Variants in PRM1 observed in about 807,000 individuals in gnomAD.
The protein encoded by PRM1 is sperm protamine P1.
Under a neutral mutation model 4.8 loss-of-function variants are expected in PRM1, and 4 were observed. The observed-to-expected ratio is 0.83, with a 90% confidence interval of 0.41 to 1.91. The LOEUF (loss-of-function observed/expected upper bound fraction) is 1.91. Among genes scored for constraint, PRM1 ranks in the 40% most tolerant of loss-of-function variants. The probability of loss-of-function intolerance (pLI) is 0.03; values close to 1 mark genes in which losing one functional copy is unlikely to be tolerated. For synonymous variants in PRM1, 29 were observed against 22.7 expected (o/e 1.28, Z -0.79); for missense variants, 88 against 75.7 (o/e 1.16, Z -0.61).
At position 11,280,995 on chromosome 16, in the gene PRM1, GTGTCTTCTACATCGCGGT is replaced by G. The variant is rs773742354; in HGVS notation, c.135_152del (p.Arg45_His51delinsSer). The stretch of plus-strand genomic sequence containing the variant: ...GTGGATGTGCTATTTTGTGCAATTA[GTGTCTTCTACATCGCGGT>G]CTGTACCTGGGGCGGCAGCACCCTG... On this transcript the variant is annotated inframe_deletion, in exon 2 of 2. Transcript: ENST00000312511. The G allele has an allele frequency of 3.5e-5, 57 of 1,613,480 alleles. No individual in the cohort carries two copies. The highest frequency in any genetic ancestry group is 4.6e-5 in the Non-Finnish European group (54 of 1,179,484).
At position 11,280,950 on chromosome 16, in the gene PRM1, C is replaced by T. The variant is rs2069942196; in HGVS notation, c.*42G>A. 1 of 1,588,406 alleles carries T rather than the reference C, an allele frequency of 6.3e-7. No individual in the cohort carries two copies. Among genetic ancestry groups the T allele is most frequent in the Admixed American group, 1.7e-5 (1 of 60,006 alleles). On this transcript the variant is annotated 3_prime_UTR_variant, in exon 2 of 2. Coordinates refer to ENST00000312511, the MANE Select transcript of PRM1 (RefSeq NM_002761.3). ...GCAAGAGGATCTTGAAGTCTGGTAA[C>T]ATTCTCAGGCAGGAGTTTGGTGGAT...
chr16:11,281,014 C>G lies in PRM1; in HGVS notation c.134G>C (p.Arg45Thr). ...CAATTAGTGTCTTCTACATCGCGGT[C>G]TGTACCTGGGGCGGCAGCACCCTGG... ...RAMRCCRPRY[R>T]PRCRRH is the part of the protein sequence containing the mutation. Residue 45 changes from arginine (R) to threonine (T), a missense_variant, in exon 2 of 2, where the codon AGA becomes ACA. Arg to Thr is a moderately conservative substitution (Grantham distance 71). Coordinates refer to ENST00000312511, the MANE Select transcript of PRM1 (RefSeq NM_002761.3). 6.2e-7 allele frequency: 1 copy of G among 1,614,088 alleles called. No individual in the cohort carries two copies. Among genetic ancestry groups the G allele is most frequent in the Non-Finnish European group, 8.5e-7 (1 of 1,179,954 alleles).
Position 11,281,149 on chromosome 16 carries a change from G to C in PRM1, c.90C>G (p.Cys30Trp). ...TACTCATGGCTCTCCTCCGTGTCTG[G>C]CAGCTCCGCCTCCTTCGTCTGCGAC... ...QRSRRRRRRS[C>W]QTRRRAMRCC... Residue 30 changes from cysteine to tryptophan, a missense_variant, in exon 1 of 2, where the codon TGC (cysteine) becomes TGG (tryptophan). Transcript: ENST00000312511. 6.2e-7 allele frequency: 1 copy of C among 1,614,156 alleles called. No homozygotes were observed. The highest frequency in any genetic ancestry group is 8.5e-7 in the Non-Finnish European group (1 of 1,180,034).
chr16:11,280,894 T>G lies in PRM1; in HGVS notation c.*98A>C. On this transcript the variant is annotated 3_prime_UTR_variant, in exon 2 of 2. Coordinates refer to ENST00000312511, the MANE Select transcript of PRM1 (RefSeq NM_002761.3). ...CATTGTTCCTTAGCAGGCTCCTGAT[T>G]TTTATTGGATGGTGGCATTTTCAAG... 1 of 1,371,552 alleles carries G rather than the reference T, an allele frequency of 7.3e-7. No individual in the cohort carries two copies. Among genetic ancestry groups the G allele is most frequent in the Non-Finnish European group, 1.0e-6 (1 of 958,208 alleles). 85.0% of individuals were successfully genotyped at this position (1,371,552 alleles called of 1,614,324 possible).
Position 11,281,217 on chromosome 16 carries a change from G to C in PRM1, c.22C>G (p.Arg8Gly). MARYRCC[R>G]SQSRSRYYRQ... Reference sequence around the variant, plus strand: ...TAATATCTGCTCCGGCTCTGGCTGCGACAGCATCTGTACCTGGCCATGGTG... The same window carrying C: ...TAATATCTGCTCCGGCTCTGGCTGCCACAGCATCTGTACCTGGCCATGGTG... The change falls in exon 1 of 2, where the codon CGC (arginine) becomes GGC (glycine). Residue 8 changes from arginine (R) to glycine (G), a missense_variant. By Grantham distance (125) the Arg-to-Gly change is moderately radical. Coordinates refer to ENST00000312511, the MANE Select transcript of PRM1 (RefSeq NM_002761.3). 2 of 1,614,072 alleles carry C rather than the reference G, an allele frequency of 1.2e-6. No homozygotes were observed. The highest frequency in any genetic ancestry group is 1.7e-6 in the Non-Finnish European group (2 of 1,180,030).
chr16:11,280,928 A>ATCTT lies in PRM1; in HGVS notation c.*63_*64insAAGA. The ATCTT allele has an allele frequency of 2.0e-6, 3 of 1,527,552 alleles. No homozygotes were observed. The highest frequency in any genetic ancestry group is 1.8e-6 in the Non-Finnish European group (2 of 1,100,784). 94.6% of individuals were successfully genotyped at this position (1,527,552 alleles called of 1,614,324 possible). A position where few individuals can be genotyped will look rare whatever the true frequency, so the allele number is the denominator to read the frequency against. On this transcript the variant is annotated 3_prime_UTR_variant, in exon 2 of 2. Coordinates refer to ENST00000312511, the MANE Select transcript of PRM1 (RefSeq NM_002761.3). ...ATGGTGGCATTTTCAAGATGTGGCA[A>ATCTT]GAGGATCTTGAAGTCTGGTAACATT... is the stretch of plus-strand genomic sequence containing the variant.
Position 11,281,277 on chromosome 16 carries a change from C to CA in PRM1, c.-40dup. On this transcript the variant is annotated 5_prime_UTR_variant, in exon 1 of 2. Coordinates refer to ENST00000312511, the MANE Select transcript of PRM1 (RefSeq NM_002761.3). The stretch of plus-strand genomic sequence containing the variant: ...CTTGGCCTGAATGCTCAGAGCAGGG[C>CA]ACCACCTTGGCTGAGCCAGCCAACC... 6.3e-7 allele frequency: 1 copy of CA among 1,590,054 alleles called. No individual in the cohort carries two copies. The highest frequency in any genetic ancestry group is 8.6e-7 in the Non-Finnish European group (1 of 1,159,718).
rs543214956 is a variant in PRM1, at chr16:11,281,205, G to A, written c.34C>T (p.Arg12Trp). 22 of 1,613,992 alleles carry A rather than the reference G, an allele frequency of 1.4e-5. No homozygotes were observed. The highest frequency in any genetic ancestry group is 8.8e-5 in the South Asian group (8 of 91,080). ...ARYRCCRSQS[R>W]SRYYRQRQRS... The stretch of plus-strand genomic sequence containing the variant: ...TGTCTCTGGCGGTAATATCTGCTCC[G>A]GCTCTGGCTGCGACAGCATCTGTAC... Residue 12 changes from arginine (R) to tryptophan (W), a missense_variant, in exon 1 of 2, where the codon CGG (arginine) becomes TGG (tryptophan). Coordinates refer to ENST00000312511, the MANE Select transcript of PRM1 (RefSeq NM_002761.3).
chr16:11,281,257 C>G lies in PRM1; in HGVS notation c.-19G>C. ...TGGCCATGGTGCAGGATGGGCTTGG[C>G]CTGAATGCTCAGAGCAGGGCACCAC... is the stretch of plus-strand genomic sequence containing the variant. On this transcript the variant is annotated 5_prime_UTR_variant, in exon 1 of 2. Coordinates refer to ENST00000312511, the MANE Select transcript of PRM1 (RefSeq NM_002761.3). 1 of 1,609,932 alleles carries G rather than the reference C, an allele frequency of 6.2e-7. No homozygotes were observed. The highest frequency in any genetic ancestry group is 8.5e-7 in the Non-Finnish European group (1 of 1,176,812).
chr16:11,280,999 C>G lies in PRM1; in HGVS notation c.149G>C (p.Arg50Thr). 6.2e-7 allele frequency: 1 copy of G among 1,613,760 alleles called. No individual in the cohort carries two copies. The highest frequency in any genetic ancestry group is 8.5e-7 in the Non-Finnish European group (1 of 1,179,640). ...CRPRYRPRCR[R>T]H ...ATGTGCTATTTTGTGCAATTAGTGT[C>G]TTCTACATCGCGGTCTGTACCTGGG... Residue 50 changes from arginine to threonine, a missense_variant, in exon 2 of 2, where the codon AGA becomes ACA. By Grantham distance (71) the Arg-to-Thr change is moderately conservative. Coordinates refer to ENST00000312511, the MANE Select transcript of PRM1 (RefSeq NM_002761.3).
At position 11,281,197 on chromosome 16, in the gene PRM1, T is replaced by C. The variant is rs187174862; in HGVS notation, c.42A>G (p.Arg14=). The C allele has an allele frequency of 2.7e-4, 430 of 1,614,168 alleles. 4 individuals carry two copies. The East Asian group carries it at 9.5e-3, about 36-fold the overall frequency. ...GACTTCTTTGTCTCTGGCGGTAATATCTGCTCCGGCTCTGGCTGCGACAGC... is the reference window on the plus strand; with the variant it reads ...GACTTCTTTGTCTCTGGCGGTAATACCTGCTCCGGCTCTGGCTGCGACAGC... ...YRCCRSQSRS[R]YYRQRQRSRR... is the part of the protein sequence containing the mutation. The change falls in exon 1 of 2, where the codon AGA becomes AGG. Residue 14 remains arginine (R), a synonymous_variant. Transcript: ENST00000312511.
At position 11,281,135 on chromosome 16, in the gene PRM1, C is replaced by G; in HGVS notation, c.104G>C (p.Arg35Thr). 1.9e-6 allele frequency: 3 copies of G among 1,614,234 alleles called. No individual in the cohort carries two copies. Among genetic ancestry groups the G allele is most frequent in the Non-Finnish European group, 2.5e-6 (3 of 1,180,048 alleles). The part of the protein sequence containing the change: ...RRRRSCQTRR[R>T]AMRCCRPRYR... ...CAGCTGGGCCCACTTACTCATGGCT[C>G]TCCTCCGTGTCTGGCAGCTCCGCCT... Residue 35 changes from arginine to threonine, a missense_variant, in exon 1 of 2, where the codon AGA becomes ACA. Physicochemically the swap from Arg to Thr is moderately conservative, Grantham distance 71. Coordinates refer to ENST00000312511, the MANE Select transcript of PRM1 (RefSeq NM_002761.3).
chr16:11,280,887 T>C lies in PRM1; in HGVS notation c.*105A>G, dbSNP rs1452073282. 4.7e-6 allele frequency: 6 copies of C among 1,265,112 alleles called. No individual in the cohort carries two copies. Among genetic ancestry groups the C allele is most frequent in the Non-Finnish European group, 7.0e-6 (6 of 860,708 alleles). 78.4% of individuals were successfully genotyped at this position (1,265,112 alleles called of 1,614,324 possible). A position where few individuals can be genotyped will look rare whatever the true frequency, so the allele number is the denominator to read the frequency against. On this transcript the variant is annotated 3_prime_UTR_variant, in exon 2 of 2. Transcript: ENST00000312511. ...CAGGCGGCATTGTTCCTTAGCAGGC[T>C]CCTGATTTTTATTGGATGGTGGCAT... is the stretch of plus-strand genomic sequence containing the variant.
At position 11,281,302 on chromosome 16, in the gene PRM1, C is replaced by A. The variant is rs2069949871; in HGVS notation, c.-64G>T. On this transcript the variant is annotated 5_prime_UTR_variant, in exon 1 of 2. In the 5' UTR this introduces an upstream ATG that the reference lacks. Transcript: ENST00000312511. Reference sequence around the variant, plus strand: ...CACCACCTTGGCTGAGCCAGCCAACCTGTGAGCAGGTGGAACTCTGTGGGC... The same window carrying A: ...CACCACCTTGGCTGAGCCAGCCAACATGTGAGCAGGTGGAACTCTGTGGGC... The A allele has an allele frequency of 7.0e-7, 1 of 1,423,580 alleles. No homozygotes were observed. Among genetic ancestry groups the A allele is most frequent in the Non-Finnish European group, 9.9e-7 (1 of 1,010,664 alleles). The allele number at this position is 1,423,580 out of a possible 1,614,324, so 88.2% of individuals were successfully genotyped here.
rs2141151823 is a variant in PRM1 at position 11,281,118 on chromosome 16, C to T, written c.112+9G>A. On this transcript the variant is annotated intron_variant, in intron 1 of 1. Coordinates refer to ENST00000312511, the MANE Select transcript of PRM1 (RefSeq NM_002761.3). ...CAGCCCCAGCCCACCCTCAGCTGGGCCCACTTACTCATGGCTCTCCTCCGT... is the reference window on the plus strand; with the variant it reads ...CAGCCCCAGCCCACCCTCAGCTGGGTCCACTTACTCATGGCTCTCCTCCGT... The T allele has an allele frequency of 1.2e-6, 2 of 1,614,002 alleles. No homozygotes were observed. Among genetic ancestry groups the T allele is most frequent in the Non-Finnish European group, 8.5e-7 (1 of 1,179,852 alleles).
chr16:11,281,273 A>C lies in PRM1; in HGVS notation c.-35T>G. On this transcript the variant is annotated 5_prime_UTR_variant, in exon 1 of 2. Transcript: ENST00000312511. ...TGGGCTTGGCCTGAATGCTCAGAGC[A>C]GGGCACCACCTTGGCTGAGCCAGCC... 1 of 1,597,990 alleles carries C rather than the reference A, an allele frequency of 6.3e-7. No individual in the cohort carries two copies. Among genetic ancestry groups the C allele is most frequent in the South Asian group, 1.1e-5 (1 of 90,752 alleles).
chr16:11,281,325 G>A lies in PRM1; in HGVS notation c.-87C>T, dbSNP rs1335408406. On this transcript the variant is annotated 5_prime_UTR_variant, in exon 1 of 2. Transcript: ENST00000312511. The stretch of plus-strand genomic sequence containing the variant: ...ACCTGTGAGCAGGTGGAACTCTGTG[G>A]GCTGTGAGTCAGGGGCCAGCTCTGC... 5.9e-6 allele frequency: 7 copies of A among 1,186,132 alleles called. No homozygotes were observed. The highest frequency in any genetic ancestry group is 1.5e-5 in the African/African-American group (1 of 66,814). The allele number at this position is 1,186,132 out of a possible 1,614,324, so 73.5% of individuals were successfully genotyped here. A position where few individuals can be genotyped will look rare whatever the true frequency, so the allele number is the denominator to read the frequency against.
Position 11,280,977 on chromosome 16 carries a change from T to C in PRM1, c.*15A>G. 1 of 1,610,872 alleles carries C rather than the reference T, an allele frequency of 6.2e-7. No homozygotes were observed. The highest frequency in any genetic ancestry group is 8.5e-7 in the Non-Finnish European group (1 of 1,176,942). The stretch of plus-strand genomic sequence containing the variant: ...TTCTCAGGCAGGAGTTTGGTGGATG[T>C]GCTATTTTGTGCAATTAGTGTCTTC... On this transcript the variant is annotated 3_prime_UTR_variant, in exon 2 of 2. Transcript: ENST00000312511.
Position 11,281,227 on chromosome 16 carries a change from G to A in PRM1, c.12C>T (p.Tyr4=), listed in dbSNP as rs910245884. 4 of 1,613,940 alleles carry A rather than the reference G, an allele frequency of 2.5e-6. No individual in the cohort carries two copies. Among genetic ancestry groups the A allele is most frequent in the African/African-American group, 2.7e-5 (2 of 74,944 alleles). Reference sequence around the variant, plus strand: ...TCCGGCTCTGGCTGCGACAGCATCTGTACCTGGCCATGGTGCAGGATGGGC... The same window carrying A: ...TCCGGCTCTGGCTGCGACAGCATCTATACCTGGCCATGGTGCAGGATGGGC... MAR[Y]RCCRSQSRSR... Residue 4 remains tyrosine (Y), a synonymous_variant, in exon 1 of 2, where the codon TAC becomes TAT. Transcript: ENST00000312511.
Sources: allele counts gnomAD v4.1 joint callset, GRCh38; gene constraint gnomAD v4.1.1; transcripts MANE v1.5; gene names NCBI Gene and HGNC (gene_info 2026-07-23, HGNC 2026-07-21).